The following CFAP299 variants were observed in gnomAD, a reference collection of about 807,000 sequenced individuals.
CFAP299 encodes cilia- and flagella-associated protein 299.
In CFAP299, 21 loss-of-function variants were observed where a neutral mutation model predicts 27.0. The ratio of observed to expected loss-of-function variants is 0.78; its 90% CI spans 0.55 to 1.12. The LOEUF is 1.12. Ranked by LOEUF, CFAP299 falls within the 50% of genes most tolerant of loss-of-function variation. The pLI is 0.00. For missense variants in CFAP299, 310 were observed against 276.6 expected, an observed-to-expected ratio of 1.12 and a Z score of -0.86; for synonymous variants, 104 against 98.1, an observed-to-expected ratio of 1.06 and a Z score of -0.36.
intron 3 of CFAP299, among the ~76,000 whole-genome samples, chr4:80,837,164 GC>G (rs1180173515): frequency 6.6e-6 from 1 of 152,090 alleles, no homozygotes; most frequent in Non-Finnish European, 1.5e-5. Context: ...TTTTATCAGT[GC>G]ATATTAAGAG....
At chr4:80,613,086 G>C (rs900332905) in intron 3 of CFAP299, among the ~76,000 whole-genome samples, 3 of 152,116 alleles carry the variant, frequency 2.0e-5, no homozygotes, top group African/African-American at 7.2e-5. Flanking sequence ...TCACAAATAA[G>C]TAAGCAAGGC....
At chr4:80,822,965 C>T (rs541492725) in intron 3 of CFAP299, among the ~76,000 whole-genome samples, 29 of 152,142 alleles carry the variant, frequency 1.9e-4, no homozygotes, top group Non-Finnish European at 3.7e-4. Flanking sequence ...AAACCACTTA[C>T]GTGAAGTTTT....
chr4:80,577,658 C>T (rs779943009), intron 2 of CFAP299, among the ~76,000 whole-genome samples: 27 of 152,056 alleles, frequency 1.8e-4, no homozygotes, highest in Non-Finnish European at 2.9e-4. Context: ...ACCTCGGCCT[C>T]GCAAAATGCT....
At chr4:80,419,585 C>G (rs948889890) in intron 2 of CFAP299, among the ~76,000 whole-genome samples, 4 of 152,078 alleles carry the variant, frequency 2.6e-5, no homozygotes, top group Non-Finnish European at 4.4e-5. Context: ...TCCCTAGTGC[C>G]GGCTGTGACC....
At chr4:80,542,471 G>A (rs937302614) in intron 2 of CFAP299, among the ~76,000 whole-genome samples, 2 of 152,146 alleles carry the variant, frequency 1.3e-5, no homozygotes, top group Non-Finnish European at 2.9e-5. Context: ...GGTACTGAAG[G>A]AGGAGGAAAC....
At chr4:80,773,088 T>C (rs1307033042) in intron 3 of CFAP299, among the ~76,000 whole-genome samples, 1 of 152,122 alleles carries the variant, frequency 6.6e-6, no homozygotes, top group Non-Finnish European at 1.5e-5. Context: ...AAGCCATCAT[T>C]CTCAGCAAAC....
intron 2 of CFAP299, among the ~76,000 whole-genome samples, chr4:80,367,985 ATAC>A (rs1723929056): frequency 1.3e-5 from 2 of 152,154 alleles, no homozygotes; most frequent in African/African-American, 4.8e-5. Context: ...CTCAGGCTGG[ATAC>A]TTGCCTGGAT....
chr4:80,361,869 A>G lies in CFAP299; in HGVS notation c.112-885A>G, dbSNP rs116464600. ...ACAGCGATATAGTAATTAAGTCTTC[A>G]TAATAATAAAATAGATTCTGTTTTC... On this transcript the variant is annotated intron_variant, in intron 1 of 5. Transcript: ENST00000358105. Among the ~76,000 whole-genome samples the G allele has an allele frequency of 3.2e-3, 491 of 152,286 alleles. 2 individuals are homozygous for G. Among genetic ancestry groups the G allele is most frequent in the Non-Finnish European group, 5.2e-3 (356 of 68,000 alleles).
chr4:80,691,898 C>A (rs1435088363), intron 3 of CFAP299, among the ~76,000 whole-genome samples: 4 of 152,028 alleles, frequency 2.6e-5, no homozygotes, highest in African/African-American at 2.4e-5. Context: ...TATACACCAA[C>A]AACAGACAAA....
At chr4:80,860,814 C>T (rs1225308165) in intron 3 of CFAP299, among the ~76,000 whole-genome samples, 1 of 152,120 alleles carries the variant, frequency 6.6e-6, no homozygotes, top group African/African-American at 2.4e-5. Context: ...GTCAGTCTGC[C>T]CCTACTGGGG....
At chr4:80,734,035 A>G (rs1312494022) in intron 3 of CFAP299, among the ~76,000 whole-genome samples, 5 of 151,680 alleles carry the variant, frequency 3.3e-5, no homozygotes, top group African/African-American at 9.7e-5. Context: ...TTTTTAAGGA[A>G]CCTCCATACT....
intron 3 of CFAP299, among the ~76,000 whole-genome samples, chr4:80,646,734 C>T (rs1036849232): frequency 1.3e-5 from 2 of 152,100 alleles, no homozygotes; most frequent in Non-Finnish European, 2.9e-5. Flanking sequence ...TTTGTTCTTT[C>T]TACCTTCCCT....
At chr4:80,536,023 G>C (rs186670272) in intron 2 of CFAP299, among the ~76,000 whole-genome samples, 17 of 152,276 alleles carry the variant, frequency 1.1e-4, no homozygotes, top group Non-Finnish European at 2.2e-4. Flanking sequence ...TTAACATAAA[G>C]AGGTGAAGAC....
chr4:80,602,869 C>A (rs188876457), intron 3 of CFAP299, among the ~76,000 whole-genome samples: 7 of 152,220 alleles, frequency 4.6e-5, no homozygotes, highest in Admixed American at 2.0e-4. Context: ...GAACACTGGC[C>A]ATGTGCACAC....
At chr4:80,489,113 A>AT (rs1018083384) in intron 2 of CFAP299, among the ~76,000 whole-genome samples, 1 of 149,732 alleles carries the variant, frequency 6.7e-6, no homozygotes, top group African/African-American at 2.5e-5. Flanking sequence ...TCCTCTCTGA[A>AT]TTTTTTTTTC....
intron 2 of CFAP299, among the ~76,000 whole-genome samples, chr4:80,462,169 G>A (rs1175212822): frequency 1.3e-5 from 2 of 152,102 alleles, no homozygotes; most frequent in Non-Finnish European, 2.9e-5. Flanking sequence ...AGATAAATGC[G>A]TTTTCTCTCT....
chr4:80,450,454 T>C (rs1009253427), intron 2 of CFAP299, among the ~76,000 whole-genome samples: 1 of 152,144 alleles, frequency 6.6e-6, no homozygotes, highest in Admixed American at 6.5e-5. Flanking sequence ...TGGAAGAATA[T>C]TATTTGTTCC....
At chr4:80,688,837 G>T (rs1420354023) in intron 3 of CFAP299, among the ~76,000 whole-genome samples, 2 of 151,674 alleles carry the variant, frequency 1.3e-5, no homozygotes, top group African/African-American at 2.4e-5. Context: ...CCAATACAGA[G>T]AAGTGCTTAA....
At chr4:80,794,137 G>A (rs1270080043) in intron 3 of CFAP299, among the ~76,000 whole-genome samples, 2 of 152,140 alleles carry the variant, frequency 1.3e-5, no homozygotes, top group African/African-American at 2.4e-5. Flanking sequence ...GATAGTCTGG[G>A]TCAATCACCC....
Sources: gnomAD v4.1 joint callset for allele counts (sites outside exome capture counted in the v4.1 genomes callset) on GRCh38, gnomAD v4.1.1 for gene constraint, MANE v1.5 for transcripts, NCBI Gene and HGNC (gene_info 2026-07-23, HGNC 2026-07-21) for gene names.